RANBP2: variants seen among roughly 807,000 people sequenced by gnomAD.
The protein encoded by RANBP2 is E3 SUMO-protein ligase RanBP2.
RANBP2 carries 57 observed loss-of-function variants against 303.6 expected under a neutral mutation model. The observed-to-expected ratio is 0.19, with a 90% CI of 0.15 to 0.23. RANBP2 has a LOEUF of 0.23. RANBP2 is among the 10% of genes least tolerant of loss of function. The pLI, the probability that RANBP2 is intolerant of heterozygous loss-of-function variation, is 1.00. For missense variants in RANBP2, 3,138 were observed against 3,780.8 expected (o/e 0.83, Z 4.46); for synonymous variants, 1,167 against 1,301.5 (o/e 0.90, Z 2.23).
At chr2:109,451,754 C>A in the RANBP2 span, among the ~76,000 whole-genome samples, 1 of 152,262 alleles carries the variant, frequency 6.6e-6, no homozygotes, top group African/African-American at 2.4e-5. Flanking sequence ...TGATGAAAGG[C>A]GACATGCAGG....
At chr2:109,270,426 A>G in the RANBP2 span, among the ~76,000 whole-genome samples, 1 of 152,294 alleles carries the variant, frequency 6.6e-6, no homozygotes, top group East Asian at 1.9e-4. Context: ...GGGTGCCTGC[A>G]GCTGCCACAG....
At chr2:109,484,224 G>A in the RANBP2 span, among the ~76,000 whole-genome samples, 12 of 152,126 alleles carry the variant, frequency 7.9e-5, no homozygotes, top group East Asian at 5.8e-4. Flanking sequence ...TTGCCACCAC[G>A]CTCAGCTAAT....
chr2:109,139,703 G>A, the RANBP2 span, among the ~76,000 whole-genome samples: 13 of 152,190 alleles, frequency 8.5e-5, no homozygotes, highest in South Asian at 4.1e-4. Flanking sequence ...ATGAGGTGAC[G>A]TATATCAGAT....
rs777003928 is a variant in RANBP2 at position 108,782,253 on chromosome 2, G to T, written c.8886G>T (p.Trp2962Cys). Residue 2962 changes from tryptophan (W) to cysteine (C), a missense_variant, in exon 27 of 29, where the codon TGG (tryptophan) becomes TGT (cysteine). By Grantham distance (215) the Trp-to-Cys change is radical. Coordinates refer to ENST00000283195, the MANE Select transcript of RANBP2 (RefSeq NM_006267.5). ...GTGTTGGAGATATAAAGATTCTTTG[G>T]CATACAATGAAGAATTATTACCGGA... The part of the protein sequence containing the change: ...ERGVGDIKIL[W>C]HTMKNYYRIL... 2 of 1,614,118 alleles carry T rather than the reference G, an allele frequency of 1.2e-6. No homozygotes were observed. The highest frequency in any genetic ancestry group is 3.3e-5 in the Admixed American group (2 of 60,020).
At chr2:108,997,768 G>A in the RANBP2 span, among the ~76,000 whole-genome samples, 2 of 152,034 alleles carry the variant, frequency 1.3e-5, no homozygotes, top group African/African-American at 4.8e-5. Flanking sequence ...GCAGGCTCCT[G>A]TAATCCCAGC....
At chr2:109,309,817 AC>A in the RANBP2 span, among the ~76,000 whole-genome samples, 5 of 115,110 alleles carry the variant, frequency 4.3e-5, 1 homozygote, top group African/African-American at 2.3e-4. Context: ...TGCACCCAAT[AC>A]AGGAGCACCC....
chr2:109,198,071 G>C, the RANBP2 span, among the ~76,000 whole-genome samples: 1 of 152,152 alleles, frequency 6.6e-6, no homozygotes, highest in Non-Finnish European at 1.5e-5. Context: ...CAGTGTGTCA[G>C]TTGGGGGTGC....
the RANBP2 span, chr2:108,989,518 A>C: frequency 6.6e-6 from 1 of 152,106 alleles, no homozygotes; most frequent in African/African-American, 2.4e-5. Context: ...TTGTTCGTAG[A>C]AGGACCCCCC....
the RANBP2 span, among the ~76,000 whole-genome samples, chr2:108,822,782 A>G: frequency 1.3e-5 from 2 of 152,278 alleles, no homozygotes; most frequent in African/African-American, 4.8e-5. Context: ...TATAGGATGC[A>G]GTGTTAAGAG....
the RANBP2 span, among the ~76,000 whole-genome samples, chr2:109,061,053 C>T: frequency 2.9e-3 from 437 of 151,996 alleles, 5 homozygotes; most frequent in Middle Eastern, 0.055. Context: ...ATGAAGAAAC[C>T]TATTTGTCCT....
the RANBP2 span, chr2:109,347,788 C>G: frequency 6.2e-7 from 1 of 1,614,012 alleles, no homozygotes; most frequent in Non-Finnish European, 8.5e-7. Flanking sequence ...GGTGGATGAA[C>G]AGTGGTACCA....
At chr2:109,612,860 C>T in the RANBP2 span, among the ~76,000 whole-genome samples, 1 of 152,130 alleles carries the variant, frequency 6.6e-6, no homozygotes, top group Admixed American at 6.5e-5. Flanking sequence ...TAAAACAAAC[C>T]AACGGTGTCA....
the RANBP2 span, among the ~76,000 whole-genome samples, chr2:108,838,701 T>C: frequency 6.6e-6 from 1 of 152,242 alleles, no homozygotes; most frequent in Admixed American, 6.5e-5. Context: ...AACAAGTAAA[T>C]AGTACTCCAG....
the RANBP2 span, among the ~76,000 whole-genome samples, chr2:109,230,220 A>C: frequency 9.9e-5 from 15 of 151,782 alleles, no homozygotes; most frequent in Non-Finnish European, 2.2e-4. Flanking sequence ...TCAACTTGGG[A>C]TGGTTTGACT....
the RANBP2 span, among the ~76,000 whole-genome samples, chr2:109,147,692 C>T: frequency 7.5e-4 from 114 of 152,206 alleles, no homozygotes; most frequent in African/African-American, 2.3e-3. Flanking sequence ...GTATAGTTTC[C>T]GGCTTCTGGG....
the RANBP2 span, among the ~76,000 whole-genome samples, chr2:109,231,719 C>T: frequency 3.3e-5 from 5 of 152,184 alleles, no homozygotes; most frequent in Admixed American, 6.5e-5. Flanking sequence ...TTAAATCTTA[C>T]CGTGCATGCT....
At chr2:109,441,132 C>CAAAAAAAAAAAAAAAAA in the RANBP2 span, among the ~76,000 whole-genome samples, 56 of 134,006 alleles carry the variant, frequency 4.2e-4, no homozygotes, top group African/African-American at 1.6e-3. Flanking sequence ...TATAGGAATA[C>CAAAAAAAAAAAAAAAAA]AAAAAAAAAA....
the RANBP2 span, among the ~76,000 whole-genome samples, chr2:109,184,484 C>T: frequency 5.2e-4 from 79 of 152,254 alleles, no homozygotes; most frequent in Admixed American, 9.1e-4. Flanking sequence ...CTGTCCCAGC[C>T]GTGGGTCTGC....
chr2:108,749,567 G>A (rs573367428), intron 9 of RANBP2, among the ~76,000 whole-genome samples: 94 of 151,928 alleles, frequency 6.2e-4, no homozygotes, highest in African/African-American at 2.2e-3. Flanking sequence ...CAAAGTGCTG[G>A]GATTACAGGT....
Sources: gnomAD v4.1 joint callset for allele counts (sites outside exome capture counted in the v4.1 genomes callset) on GRCh38, gnomAD v4.1.1 for gene constraint, MANE v1.5 for transcripts, NCBI Gene and HGNC (gene_info 2026-07-23, HGNC 2026-07-21) for gene names.